The following TTC3 variants were observed in gnomAD, a reference collection of about 807,000 sequenced individuals.
The protein encoded by TTC3 is tetratricopeptide repeat domain 3.
Under a neutral mutation model 249.6 loss-of-function variants are expected in TTC3, and 180 were observed. The observed-to-expected ratio is 0.72, with a 90% CI of 0.64 to 0.82. The LOEUF (loss-of-function observed/expected upper bound fraction) is 0.82, where lower values mean the gene tolerates loss of function less well. Among genes scored for constraint, TTC3 ranks in the 40% least tolerant of loss-of-function variants. The pLI, the probability that TTC3 is intolerant of heterozygous loss-of-function variation, is 0.00. For synonymous variants in TTC3, 717 were observed against 805.0 expected (o/e 0.89, Z 1.85); for missense variants, 2,061 against 2,398.4 (o/e 0.86, Z 2.94).
At chr21:37,138,791 C>T in intron 19 of TTC3, 77 bp downstream of exon 19, 3 of 1,047,602 alleles carry the variant, frequency 2.9e-6, no homozygotes, top group Middle Eastern at 2.3e-4. Context: ...CTCATTTTTA[C>T]CCATTTTCTT....
chr21:37,087,447 G>A, intron 2 of TTC3, 46 bp downstream of exon 2: 2 of 1,605,974 alleles, frequency 1.2e-6, no homozygotes, highest in Non-Finnish European at 1.7e-6. Context: ...GTGTATTGAA[G>A]GTTTTCTGGT....
exon 31 of TTC3, chr21:37,161,995 G>C: frequency 6.3e-7 from 1 of 1,582,682 alleles, no homozygotes. Flanking sequence ...ACCAGCCTAT[G>C]TTAGTTGGGT....
chr21:37,101,602 T>G (rs1404722261), intron 10 of TTC3, among the ~76,000 whole-genome samples: 1 of 152,232 alleles, frequency 6.6e-6, no homozygotes, highest in African/African-American at 2.4e-5. Context: ...ATTCATCTCT[T>G]CAGATCCTTG....
rs138812177 is a variant in TTC3, at chr21:37,154,318, T to A, written c.2740+1041T>A. Among the ~76,000 whole-genome samples, 298 of 152,232 alleles carry A rather than the reference T, an allele frequency of 2.0e-3. 6 individuals are homozygous for A. Among genetic ancestry groups the A allele is most frequent in the Admixed American group, 0.018 (281 of 15,296 alleles). The stretch of plus-strand genomic sequence containing the variant: ...TTTAGAAACGTGGGGCTATTAGAAT[T>A]CTAGGGTTTCAGAGAAGATACTGGT... On this transcript the variant is annotated intron_variant, in intron 27 of 45. Coordinates refer to ENST00000355666, the Ensembl canonical transcript of TTC3.
At chr21:37,105,604 C>T (rs1341778265) in intron 10 of TTC3, among the ~76,000 whole-genome samples, 1 of 152,214 alleles carries the variant, frequency 6.6e-6, no homozygotes, top group Non-Finnish European at 1.5e-5. Flanking sequence ...AACCAGCATG[C>T]AGATCACAAC....
intron 39 of TTC3, among the ~76,000 whole-genome samples, chr21:37,190,837 A>G (rs937154509): frequency 2.0e-5 from 3 of 152,210 alleles, no homozygotes; most frequent in East Asian, 1.9e-4. Context: ...GGAGTAGTCA[A>G]TTTATCTGTC....
chr21:37,134,807 T>C (rs2077784433), intron 17 of TTC3, among the ~76,000 whole-genome samples: 2 of 152,246 alleles, frequency 1.3e-5, no homozygotes, highest in African/African-American at 2.4e-5. Flanking sequence ...TTATTCCTTA[T>C]GTTATTCCTT....
chr21:37,167,578 A>G (rs1022799423), exon 34 of TTC3: 7 of 1,610,444 alleles, frequency 4.3e-6, no homozygotes, highest in Non-Finnish European at 5.9e-6. Context: ...TAATACACCA[A>G]GAAGTCAATA....
chr21:37,161,844 C>T, intron 30 of TTC3, 146 bp from the exon 31 acceptor site: 1 of 485,040 alleles, frequency 2.1e-6, no homozygotes, highest in East Asian at 3.2e-5. Flanking sequence ...ACTATGTGTT[C>T]CTGTTTATAA....
intron 11 of TTC3, among the ~76,000 whole-genome samples, chr21:37,117,169 C>T (rs912674493): frequency 1.3e-5 from 2 of 152,030 alleles, no homozygotes. Context: ...TTCGCTTTTC[C>T]CCCAAATTGT....
At position 37,088,156 on chromosome 21, in the gene TTC3, G is replaced by T. The variant is rs1004305110; in HGVS notation, c.188-40G>T. Reference sequence around the variant, plus strand: ...TTAAGTGTTGATTCATTAAAAAAATGAGGCACAAACATTAATTTTAAACTT... The same window carrying T: ...TTAAGTGTTGATTCATTAAAAAAATTAGGCACAAACATTAATTTTAAACTT... On this transcript the variant is annotated intron_variant, in intron 3 of 45. Coordinates refer to ENST00000355666, the Ensembl canonical transcript of TTC3. 11 of 1,471,544 alleles carry T rather than the reference G, an allele frequency of 7.5e-6. 1 individual carries two copies. Among genetic ancestry groups the T allele is most frequent in the Middle Eastern group, 5.0e-4 (2 of 4,034 alleles). The allele number at this position is 1,471,544 out of a possible 1,614,324, so 91.2% of individuals were successfully genotyped here.
intron 35 of TTC3, among the ~76,000 whole-genome samples, chr21:37,181,163 T>A (rs2148147472): frequency 6.6e-6 from 1 of 152,322 alleles, no homozygotes; most frequent in Non-Finnish European, 1.5e-5. Context: ...AAACAGAAGA[T>A]GAACTCATGT....
At chr21:37,136,558 TGA>T (rs949035720) in intron 18 of TTC3, among the ~76,000 whole-genome samples, 3 of 152,206 alleles carry the variant, frequency 2.0e-5, no homozygotes, top group African/African-American at 4.8e-5. Context: ...CTGTGAAGGC[TGA>T]GAGAGGTGAG....
intron 1 of TTC3, among the ~76,000 whole-genome samples, chr21:37,074,355 G>A (rs766095719): frequency 1.3e-5 from 2 of 152,226 alleles, no homozygotes; most frequent in Non-Finnish European, 2.9e-5. Flanking sequence ...AAAAAATGAA[G>A]CCGAGACGTA....
At chr21:37,101,587 C>T (rs1251429140) in intron 10 of TTC3, among the ~76,000 whole-genome samples, 1 of 152,188 alleles carries the variant, frequency 6.6e-6, no homozygotes, top group Admixed American at 6.5e-5. Flanking sequence ...CTGACCCATC[C>T]TCTGATTCAT....
chr21:37,160,669 A>T, intron 29 of TTC3, 133 bp from the exon 30 acceptor site: 1 of 845,078 alleles, frequency 1.2e-6, no homozygotes, highest in Non-Finnish European at 1.9e-6. Flanking sequence ...GATACACTGT[A>T]GTGTTATTTT....
At position 37,173,466 on chromosome 21, in the gene TTC3, G is replaced by C. The variant is rs138426820; in HGVS notation, c.4617+722G>C. On this transcript the variant is annotated intron_variant, in intron 35 of 45. Coordinates refer to ENST00000355666, the Ensembl canonical transcript of TTC3. ...TCATCAGATACATGGCTAGTGGAGG[G>C]ATAGCAATTAGTGGCAAAGCCAGAT... 7.3e-4 allele frequency among the ~76,000 whole-genome samples: 111 copies of C among 152,272 alleles called. 1 individual carries two copies. In the East Asian group the frequency reaches 0.02, roughly 27 times the overall value.
At chr21:37,198,789 C>T (rs1436798833) in intron 44 of TTC3, among the ~76,000 whole-genome samples, 1 of 152,114 alleles carries the variant, frequency 6.6e-6, no homozygotes, top group Admixed American at 6.5e-5. Flanking sequence ...TTAGTCAAAA[C>T]TGAATACGCT....
intron 10 of TTC3, chr21:37,100,978 T>C (rs920209784): frequency 6.6e-6 from 1 of 152,240 alleles, no homozygotes; most frequent in Admixed American, 6.5e-5. Flanking sequence ...GTAATGTACA[T>C]GATTAGGCTT....
Sources: gnomAD v4.1 joint callset for allele counts (sites outside exome capture counted in the v4.1 genomes callset) on GRCh38, gnomAD v4.1.1 for gene constraint, MANE v1.5 for transcripts, NCBI Gene and HGNC (gene_info 2026-07-23, HGNC 2026-07-21) for gene names.